Variants in CFAP58 observed in about 807,000 individuals in gnomAD.
CFAP58 encodes cilia- and flagella-associated protein 58.
In CFAP58, 88 loss-of-function variants were observed where a neutral mutation model predicts 119.5. The ratio of observed to expected loss-of-function variants is 0.74; its 90% CI spans 0.62 to 0.88. CFAP58 has a LOEUF of 0.88. Among genes scored for constraint, CFAP58 ranks in the 40% least tolerant of loss-of-function variants. CFAP58 has a pLI of 0.00. For missense variants in CFAP58, 990 were observed against 1,021.2 expected (o/e 0.97, Z 0.42); for synonymous variants, 365 against 366.3 (o/e 1.00, Z 0.04).
intron 11 of CFAP58, among the ~76,000 whole-genome samples, chr10:104,399,035 GT>G (rs1224369319): frequency 6.6e-6 from 1 of 152,152 alleles, no homozygotes; most frequent in Non-Finnish European, 1.5e-5. Context: ...TTCTCCTGGT[GT>G]TTAGCTGGTA....
intron 9 of CFAP58, among the ~76,000 whole-genome samples, chr10:104,380,492 C>T (rs1466854872): frequency 6.6e-6 from 1 of 152,152 alleles, no homozygotes; most frequent in East Asian, 1.9e-4. Context: ...TTCTCTGTTG[C>T]CATGCTGTGC....
At chr10:104,382,611 T>C (rs2011836383) in intron 9 of CFAP58, among the ~76,000 whole-genome samples, 1 of 152,220 alleles carries the variant, frequency 6.6e-6, no homozygotes, top group Admixed American at 6.5e-5. Flanking sequence ...TGAATTGTAA[T>C]CCCCATGTGT....
At chr10:104,403,654 T>C in intron 13 of CFAP58, 75 bp from the exon 14 acceptor site, 1 of 954,212 alleles carries the variant, frequency 1.0e-6, no homozygotes, top group East Asian at 2.6e-5. Context: ...ATAGTGTGTA[T>C]GCAACTAATT....
intron 6 of CFAP58, 133 bp from the exon 7 acceptor site, chr10:104,370,762 T>G (rs2014811587): frequency 1.4e-6 from 1 of 727,008 alleles, no homozygotes; most frequent in Non-Finnish European, 2.1e-6. Context: ...TGTGTGTGCT[T>G]GATTTAATCT....
intron 9 of CFAP58, among the ~76,000 whole-genome samples, chr10:104,386,793 T>A (rs1304885000): frequency 6.6e-6 from 1 of 152,256 alleles, no homozygotes; most frequent in Non-Finnish European, 1.5e-5. Context: ...AGTATCTGTA[T>A]CAAGTTATTT....
rs187881228 is a variant in CFAP58, at chr10:104,424,017, A to T, written c.2256+17224A>T. ...TAGGGGAATTTATAGAATCGTTTAG[A>T]TTGGAAGAAATCTCTGGTGGGTCAT... On this transcript the variant is annotated intron_variant, in intron 15 of 17. Transcript: ENST00000369704. 2.0e-5 allele frequency among the ~76,000 whole-genome samples: 3 copies of T among 152,272 alleles called. No homozygotes were observed. The East Asian group carries it at 5.8e-4, about 29-fold the overall frequency.
intron 9 of CFAP58, among the ~76,000 whole-genome samples, chr10:104,381,794 GC>G (rs1486009169): frequency 6.6e-6 from 1 of 152,142 alleles, no homozygotes; most frequent in Non-Finnish European, 1.5e-5. Context: ...GGAGCACAGT[GC>G]CTTGGCTTTG....
At chr10:104,347,400 A>G in the CFAP58 span, among the ~76,000 whole-genome samples, 2 of 152,086 alleles carry the variant, frequency 1.3e-5, no homozygotes, top group African/African-American at 4.8e-5. Flanking sequence ...AAGGAATAAA[A>G]TATGCCCCCA....
Position 104,402,700 on chromosome 10 carries a change from T to A in CFAP58, c.2040-1029T>A, listed in dbSNP as rs572531148. Reference sequence around the variant, plus strand: ...TAGTTATTCAGGACTTTTTTAGCCATCTGTGTGGTTGTGGAACTCAGGATA... The same window carrying A: ...TAGTTATTCAGGACTTTTTTAGCCAACTGTGTGGTTGTGGAACTCAGGATA... On this transcript the variant is annotated intron_variant, in intron 13 of 17. Coordinates refer to ENST00000369704, the MANE Select transcript of CFAP58 (RefSeq NM_001008723.2). Among the ~76,000 whole-genome samples, 9 of 152,310 alleles carry A rather than the reference T, an allele frequency of 5.9e-5. No homozygotes were observed. In the South Asian group the frequency reaches 6.2e-4, roughly 11 times the overall value.
chr10:104,409,858 AATCTT>A (rs1043293953), intron 15 of CFAP58, among the ~76,000 whole-genome samples: 12 of 114,296 alleles, frequency 1.0e-4, no homozygotes, highest in Admixed American at 9.8e-4. Context: ...ATTAAAAAAA[AATCTT>A]ATCTTTGTGT....
chr10:104,422,068 T>A (rs1432619069), intron 15 of CFAP58, among the ~76,000 whole-genome samples: 1 of 152,082 alleles, frequency 6.6e-6, no homozygotes, highest in Non-Finnish European at 1.5e-5. Context: ...ACACCTGTAG[T>A]CCCAGCTACT....
intron 15 of CFAP58, among the ~76,000 whole-genome samples, chr10:104,416,697 T>C (rs1168385518): frequency 6.6e-6 from 1 of 152,200 alleles, no homozygotes; most frequent in East Asian, 1.9e-4. Flanking sequence ...CTTGTATAGG[T>C]ATTATCTCAT....
At chr10:104,450,349 T>A in intron 17 of CFAP58, 145 bp downstream of exon 17, 3 of 844,400 alleles carry the variant, frequency 3.6e-6, no homozygotes, top group East Asian at 5.0e-5. Flanking sequence ...GGTCACTAAG[T>A]TTGTATCAGA....
intron 15 of CFAP58, among the ~76,000 whole-genome samples, chr10:104,421,749 T>A (rs968082662): frequency 7.9e-5 from 12 of 152,252 alleles, no homozygotes; most frequent in Admixed American, 3.3e-4. Flanking sequence ...GCCTCAGGTT[T>A]TGATTAGGAA....
intron 4 of CFAP58, 118 bp downstream of exon 4, chr10:104,365,007 C>T: frequency 1.0e-6 from 1 of 987,328 alleles, no homozygotes; most frequent in Non-Finnish European, 1.5e-6. Flanking sequence ...CCAAATGAAA[C>T]ATCCTCAGTT....
At chr10:104,383,127 C>A (rs1015388655) in intron 9 of CFAP58, among the ~76,000 whole-genome samples, 1 of 152,202 alleles carries the variant, frequency 6.6e-6, no homozygotes. Context: ...GTGGAAAGTT[C>A]TGTCCTTTCT....
At chr10:104,376,502 C>CAAAAAAAAA (rs1282859666) in intron 7 of CFAP58, among the ~76,000 whole-genome samples, 5 of 48,188 alleles carry the variant, frequency 1.0e-4, no homozygotes, top group African/African-American at 1.3e-4. Context: ...AACTCCGTCT[C>CAAAAAAAAA]AAAAAAAAAA....
chr10:104,449,729 T>C lies in CFAP58; in HGVS notation c.2377-342T>C, dbSNP rs140089407. 4.6e-5 allele frequency among the ~76,000 whole-genome samples: 7 copies of C among 152,354 alleles called. No homozygotes were observed. The East Asian group carries it at 1.3e-3, about 29-fold the overall frequency. ...TTTTTTAAGGCTTTAAAAGCAATTT[T>C]AGACTGTGTGTCTGGGAGTTTTCTG... On this transcript the variant is annotated intron_variant, in intron 16 of 17. Transcript: ENST00000369704.
chr10:104,447,664 G>C (rs377057934), intron 15 of CFAP58, 34 bp from the exon 16 acceptor site: 23 of 1,610,506 alleles, frequency 1.4e-5, no homozygotes, highest in Non-Finnish European at 2.0e-5. Context: ...TGACGGGGCT[G>C]TTTATCTCTG....
Sources: gnomAD v4.1 joint callset for allele counts (sites outside exome capture counted in the v4.1 genomes callset) on GRCh38, gnomAD v4.1.1 for gene constraint, MANE v1.5 for transcripts, NCBI Gene and HGNC (gene_info 2026-07-23, HGNC 2026-07-21) for gene names.